The following MYLK variants were observed in gnomAD, a reference collection of about 807,000 sequenced individuals.
MYLK encodes myosin light chain kinase, smooth muscle.
MYLK carries 106 observed loss-of-function variants against 203.4 expected under a neutral mutation model. The observed-to-expected ratio is 0.52, with a 90% confidence interval of 0.45 to 0.61. MYLK has a LOEUF of 0.61. Among genes scored for constraint, MYLK ranks in the 20% least tolerant of loss-of-function variants. The pLI is 0.00. For synonymous variants in MYLK, 867 were observed against 959.5 expected, an observed-to-expected ratio of 0.90 and a Z score of 1.78; for missense variants, 2,072 against 2,442.3, an observed-to-expected ratio of 0.85 and a Z score of 3.20.
intron 2 of MYLK, among the ~76,000 whole-genome samples, chr3:123,872,990 C>T (rs1007426430): frequency 2.0e-5 from 3 of 152,100 alleles, no homozygotes; most frequent in South Asian, 4.1e-4. Context: ...CAAGTGTCAC[C>T]TCACCAGCAT....
At chr3:123,826,584 C>T (rs1173454422) in intron 3 of MYLK, among the ~76,000 whole-genome samples, 2 of 152,246 alleles carry the variant, frequency 1.3e-5, no homozygotes, top group Non-Finnish European at 2.9e-5. Context: ...CCACTCCTGA[C>T]AGGCACACTA....
At chr3:123,659,670 G>C (rs1205389425) in intron 23 of MYLK, 1 of 518,372 alleles carries the variant, frequency 1.9e-6, no homozygotes, top group East Asian at 5.5e-5. Context: ...GGCTGAACTA[G>C]TAAAGGGATG....
At position 123,640,825 on chromosome 3, in the gene MYLK, A is replaced by G. The variant is rs34873841; in HGVS notation, c.4620-321T>C. On this transcript the variant is annotated intron_variant, in intron 27 of 33. Transcript: ENST00000360304. The surrounding 1 kb of genome is among the most constrained non-coding windows in gnomAD (Gnocchi z 4.3). Reference sequence around the variant, plus strand: ...TTAGCAAAAAGAGTGACCTCTAAACAGTCTCTTTCCCTCAAATGACCACAC... The same window carrying G: ...TTAGCAAAAAGAGTGACCTCTAAACGGTCTCTTTCCCTCAAATGACCACAC... Among the ~76,000 whole-genome samples, 15,794 of 152,242 alleles carry G rather than the reference A, an allele frequency of 0.1. 1,879 individuals carry two copies. Among genetic ancestry groups the G allele is most frequent in the East Asian group, 0.36 (1,855 of 5,166 alleles).
At chr3:123,766,664 G>A (rs545627049) in intron 4 of MYLK, among the ~76,000 whole-genome samples, 13 of 152,356 alleles carry the variant, frequency 8.5e-5, no homozygotes, top group African/African-American at 3.1e-4. Context: ...GTTGTGAGCC[G>A]AGGCAGATTC....
intron 8 of MYLK, 136 bp from the exon 9 acceptor site, chr3:123,735,552 T>C: frequency 1.0e-6 from 1 of 984,910 alleles, no homozygotes; most frequent in South Asian, 1.3e-5. Flanking sequence ...TGAACGTCTT[T>C]GGCCTTTGAA....
chr3:123,785,049 C>T (rs756807141), intron 4 of MYLK, among the ~76,000 whole-genome samples: 3 of 152,244 alleles, frequency 2.0e-5, no homozygotes, highest in East Asian at 1.9e-4. Context: ...ACCCCGACTT[C>T]TGCCCTACAT....
At chr3:123,696,285 A>C (rs1310042219) in intron 18 of MYLK, among the ~76,000 whole-genome samples, 2 of 152,072 alleles carry the variant, frequency 1.3e-5, no homozygotes, top group Non-Finnish European at 2.9e-5. Context: ...ACAGTGCAAG[A>C]GTCTCTCGTG....
chr3:123,823,039 A>G (rs1235634839), intron 3 of MYLK, among the ~76,000 whole-genome samples: 5 of 152,202 alleles, frequency 3.3e-5, no homozygotes, highest in African/African-American at 4.8e-5. Flanking sequence ...CCAAGAGAGC[A>G]TCATTCCTTG....
At chr3:123,841,384 A>T (rs192005171) in intron 2 of MYLK, among the ~76,000 whole-genome samples, 227 of 152,294 alleles carry the variant, frequency 1.5e-3, no homozygotes, top group African/African-American at 5.3e-3. Flanking sequence ...CATATTGCCT[A>T]TCTTTACATA....
chr3:123,645,735 A>C (rs1352484489), intron 27 of MYLK, among the ~76,000 whole-genome samples: 1 of 152,246 alleles, frequency 6.6e-6, no homozygotes, highest in African/African-American at 2.4e-5. Context: ...CTCTATCAAA[A>C]GAAGGCTGCT....
intron 16 of MYLK, among the ~76,000 whole-genome samples, chr3:123,705,706 C>T (rs1033286483): frequency 2.6e-4 from 39 of 152,168 alleles, no homozygotes; most frequent in African/African-American, 9.2e-4. Context: ...TGGCAAACTT[C>T]CCACAGCCCT....
At chr3:123,683,569 C>T (rs1472473336) in intron 19 of MYLK, among the ~76,000 whole-genome samples, 1 of 152,174 alleles carries the variant, frequency 6.6e-6, no homozygotes, top group East Asian at 1.9e-4. Context: ...ATGGATCTGC[C>T]TGCATGAGTC....
chr3:123,723,164 G>A (rs1200898119), intron 12 of MYLK, among the ~76,000 whole-genome samples: 1 of 152,164 alleles, frequency 6.6e-6, no homozygotes, highest in East Asian at 1.9e-4. Context: ...CCCTTGCCAG[G>A]CCCCAGGGTC....
At chr3:123,736,656 T>C (rs2062682551) in intron 8 of MYLK, among the ~76,000 whole-genome samples, 1 of 152,068 alleles carries the variant, frequency 6.6e-6, no homozygotes, top group Non-Finnish European at 1.5e-5. Flanking sequence ...ATGGGAACCC[T>C]GGTAGAGGGG....
intron 3 of MYLK, among the ~76,000 whole-genome samples, chr3:123,814,715 CCT>C (rs761286795): frequency 5.3e-5 from 8 of 152,104 alleles, no homozygotes; most frequent in Non-Finnish European, 8.8e-5. Flanking sequence ...TAATGATGCC[CCT>C]GTTATTTACT....
In MYLK at chr3:123,657,190, G is replaced by A. The variant is rs149002594; in HGVS notation, c.4224C>T (p.Asn1408=). The part of the protein sequence containing the change: ...HEYKFRVRAI[N]VYGTSEPSQE... Reference sequence around the variant, plus strand: ...GGCTTGGCTCACTGGTTCCATACACGTTGATTGCACGTACACGGAACTTAT... The same window carrying A: ...GGCTTGGCTCACTGGTTCCATACACATTGATTGCACGTACACGGAACTTAT... The change falls in exon 24 of 34, where the codon AAC becomes AAT. Residue 1408 remains asparagine (N), a synonymous_variant. Transcript: ENST00000360304. 33 of 1,614,022 alleles carry A rather than the reference G, an allele frequency of 2.0e-5. No homozygotes were observed. The highest frequency in any genetic ancestry group is 3.3e-4 in the Middle Eastern group (2 of 6,084).
At chr3:123,751,969 G>A (rs1211684789) in intron 5 of MYLK, among the ~76,000 whole-genome samples, 1 of 152,102 alleles carries the variant, frequency 6.6e-6, no homozygotes, top group African/African-American at 2.4e-5. Flanking sequence ...ACCACGGTGG[G>A]CTGAACAGGT....
intron 19 of MYLK, among the ~76,000 whole-genome samples, chr3:123,686,949 C>A (rs1323290073): frequency 6.6e-6 from 1 of 152,164 alleles, no homozygotes; most frequent in Non-Finnish European, 1.5e-5. Flanking sequence ...GGGCCAGGCG[C>A]GGTAGCTCAC....
At position 123,700,657 on chromosome 3, in the gene MYLK, A is replaced by T; in HGVS notation, c.2811T>A (p.Thr937=). ...ANLQRQVKPK[T]VSEEERKVHS... is the part of the protein sequence containing the mutation. Reference sequence around the variant, plus strand: ...GCACCTTCCTCTCTTCCTCAGACACAGTCTTTGGCTTCACTTGCCGCTGCA... The same window carrying T: ...GCACCTTCCTCTCTTCCTCAGACACTGTCTTTGGCTTCACTTGCCGCTGCA... The change falls in exon 18 of 34, where the codon ACT becomes ACA. Residue 937 remains threonine (T), a synonymous_variant. Transcript: ENST00000360304. The T allele has an allele frequency of 1.2e-6, 2 of 1,614,058 alleles. No individual in the cohort carries two copies. Among genetic ancestry groups the T allele is most frequent in the South Asian group, 1.1e-5 (1 of 91,082 alleles).
Sources: gnomAD v4.1 joint callset for allele counts (sites outside exome capture counted in the v4.1 genomes callset) on GRCh38, gnomAD v4.1.1 for gene constraint, Gnocchi (gnomAD v3.1) non-coding constraint, MANE v1.5 for transcripts, NCBI Gene and HGNC (gene_info 2026-07-23, HGNC 2026-07-21) for gene names.